Variants in SCAF4 observed in about 807,000 individuals in gnomAD.
SCAF4 encodes SR-related and CTD-associated factor 4.
In SCAF4, 25 loss-of-function variants were observed where a neutral mutation model predicts 129.8. The observed-to-expected ratio is 0.19, with a 90% CI of 0.14 to 0.27. SCAF4 has a LOEUF of 0.27. Ranked by LOEUF, SCAF4 falls within the 10% of genes least tolerant of loss-of-function variation. The pLI is 1.00. For synonymous variants in SCAF4, 551 were observed against 497.7 expected, an observed-to-expected ratio of 1.11 and a Z score of -1.43; for missense variants, 1,246 against 1,457.1, an observed-to-expected ratio of 0.86 and a Z score of 2.36.
At chr21:31,691,420 T>A (rs2050256748) in intron 14 of SCAF4, among the ~76,000 whole-genome samples, 1 of 152,182 alleles carries the variant, frequency 6.6e-6, no homozygotes, top group African/African-American at 2.4e-5. Context: ...AATACCCATA[T>A]ACCTATATGT....
chr21:31,731,722 C>T lies in SCAF4; in HGVS notation c.-30G>A. On this transcript the variant is annotated 5_prime_UTR_variant, in exon 1 of 20. Transcript: ENST00000286835. ...GCGCTGCGGCGGCGGCTGCTCCGGG[C>T]CCGCCGGTCACATAGACCTCGCGCC... The T allele has an allele frequency of 6.4e-7, 1 of 1,572,718 alleles. No homozygotes were observed. Among genetic ancestry groups the T allele is most frequent in the Non-Finnish European group, 8.6e-7 (1 of 1,166,344 alleles).
intron 1 of SCAF4, among the ~76,000 whole-genome samples, chr21:31,712,590 G>A (rs1390105428): frequency 1.4e-5 from 2 of 142,262 alleles, no homozygotes; most frequent in African/African-American, 2.6e-5. Context: ...GTGCAATGGC[G>A]CGATCTCGGC....
rs879311160 is a variant in SCAF4 at position 31,671,284 on chromosome 21, C to G, written c.*115G>C. The G allele has an allele frequency of 1.3e-5, 15 of 1,194,630 alleles. No individual in the cohort carries two copies. Among genetic ancestry groups the G allele is most frequent in the Non-Finnish European group, 1.5e-5 (13 of 882,656 alleles). 74.0% of individuals were successfully genotyped at this position (1,194,630 alleles called of 1,614,324 possible). On this transcript the variant is annotated 3_prime_UTR_variant, in exon 20 of 20. Coordinates refer to ENST00000286835, the MANE Select transcript of SCAF4 (RefSeq NM_020706.2). ...AAGCAATCAAATTGCTTACAGTTCC[C>G]CACCAGCTGGCGCGGGGCTGCAGTA...
chr21:31,725,523 A>G (rs2051180001), intron 1 of SCAF4, among the ~76,000 whole-genome samples: 1 of 152,242 alleles, frequency 6.6e-6, no homozygotes, highest in South Asian at 2.1e-4. Context: ...AAAGATAACC[A>G]TGAATATACA....
In SCAF4 at chr21:31,671,751, C is replaced by A; in HGVS notation, c.3092G>T (p.Arg1031Ile). The A allele has an allele frequency of 6.2e-7, 1 of 1,614,222 alleles. No individual in the cohort carries two copies. Among genetic ancestry groups the A allele is most frequent in the Non-Finnish European group, 8.5e-7 (1 of 1,180,020 alleles). The part of the protein sequence containing the change: ...DDRDNSNRDR[R>I]EWGRRSPDRD... ...GTCAGGGCTCCTCCTTCCCCACTCT[C>A]TCCTGTCACGGTTACTATTATCTCT... Residue 1031 changes from arginine to isoleucine, a missense_variant, in exon 20 of 20, where the codon AGA (arginine) becomes ATA (isoleucine). By Grantham distance (97) the Arg-to-Ile change is moderately conservative. Around this residue, in one of 6 missense-constraint regions of SCAF4, gnomAD observed 339 missense variants for 325.0 expected, o/e 1.04. Coordinates refer to ENST00000286835, the MANE Select transcript of SCAF4 (RefSeq NM_020706.2).
chr21:31,697,777 A>G (rs534597841), intron 7 of SCAF4, among the ~76,000 whole-genome samples: 252 of 152,358 alleles, frequency 1.7e-3, no homozygotes, highest in African/African-American at 5.7e-3. Context: ...AACACAGTAT[A>G]TAGGACTAAA....
At chr21:31,707,198 C>T (rs979634546) in intron 1 of SCAF4, among the ~76,000 whole-genome samples, 18 of 151,954 alleles carry the variant, frequency 1.2e-4, no homozygotes, top group Non-Finnish European at 2.2e-4. Context: ...ACTAAATATA[C>T]AAATATTAGC....
rs1216022860 is a variant in SCAF4, at chr21:31,694,242, C to T, written c.1284G>A (p.Met428Ile). The change falls in exon 11 of 20, where the codon ATG (methionine) becomes ATA (isoleucine). Residue 428 changes from methionine to isoleucine, a missense_variant. Physicochemically the swap from Met to Ile is conservative, Grantham distance 10 (BLOSUM62 1). Transcript: ENST00000286835. ...TAGATCTTGACTTTCTGTTATCAGA[C>T]ATATGTCGCTTAACCTCTTGAATAC... ...QPCIQEVKRHMSDNRKSRSRS... is the reference protein window; with the variant it reads ...QPCIQEVKRHISDNRKSRSRS... The T allele has an allele frequency of 6.2e-7, 1 of 1,610,590 alleles. No homozygotes were observed. Among genetic ancestry groups the T allele is most frequent in the Non-Finnish European group, 8.5e-7 (1 of 1,177,606 alleles).
At position 31,672,227 on chromosome 21, in the gene SCAF4, C is replaced by A. The variant is rs765873194; in HGVS notation, c.2616G>T (p.Arg872=). ...TGGGACGGGGCGGCATCAAAGGGAA[C>A]CGCTGTAAGTGAGGTGGGGGCATTC... ...PPGMPPPHLQ[R]FPLMPPRPMP... is the part of the protein sequence containing the mutation. The change falls in exon 20 of 20, where the codon CGG becomes CGT. Residue 872 remains arginine, a synonymous_variant. Coordinates refer to ENST00000286835, the MANE Select transcript of SCAF4 (RefSeq NM_020706.2). 1.2e-6 allele frequency: 2 copies of A among 1,610,964 alleles called. No homozygotes were observed. The highest frequency in any genetic ancestry group is 2.2e-5 in the South Asian group (2 of 90,734).
At position 31,702,236 on chromosome 21, in the gene SCAF4, G is replaced by A. The variant is rs375546030; in HGVS notation, c.457+8C>T. The A allele has an allele frequency of 1.2e-6, 2 of 1,613,872 alleles. No individual in the cohort carries two copies. The highest frequency in any genetic ancestry group is 1.3e-5 in the African/African-American group (1 of 74,898). On this transcript the variant is annotated splice_region_variant and intron_variant, in intron 5 of 19. Transcript: ENST00000286835. ...ATTGTGTGAGCTCACAGATACATCTGACCATACCTTCATTATTGGTAACAT... is the reference window on the plus strand; with the variant it reads ...ATTGTGTGAGCTCACAGATACATCTAACCATACCTTCATTATTGGTAACAT...
chr21:31,686,753 G>A (rs565400029), intron 16 of SCAF4, among the ~76,000 whole-genome samples: 3 of 152,152 alleles, frequency 2.0e-5, no homozygotes, highest in African/African-American at 4.8e-5. Flanking sequence ...ATTGTCATAG[G>A]AGCATGAACC....
chr21:31,689,645 T>TA (rs2050211454), intron 15 of SCAF4, among the ~76,000 whole-genome samples: 1 of 150,074 alleles, frequency 6.7e-6, no homozygotes, highest in African/African-American at 2.4e-5. Context: ...CTGAGGGCGG[T>TA]GAGGGTGAGC....
At chr21:31,688,280 G>C (rs778997188) in intron 16 of SCAF4, 27 bp downstream of exon 16, 1 of 1,600,772 alleles carries the variant, frequency 6.2e-7, no homozygotes, top group Non-Finnish European at 8.5e-7. Context: ...GGCACTTAAA[G>C]TTTAAGTCAT....
At chr21:31,716,736 A>T (rs1263641882) in intron 1 of SCAF4, among the ~76,000 whole-genome samples, 1 of 152,144 alleles carries the variant, frequency 6.6e-6, no homozygotes, top group Non-Finnish European at 1.5e-5. Flanking sequence ...TCCTTTTCTT[A>T]ACCTGGTATT....
chr21:31,699,534 T>C (rs955311580), intron 7 of SCAF4, among the ~76,000 whole-genome samples: 1 of 151,802 alleles, frequency 6.6e-6, no homozygotes, highest in Non-Finnish European at 1.5e-5. Context: ...ATATATTTCC[T>C]TTTTACTCAA....
chr21:31,708,682 G>A (rs1479389358), intron 1 of SCAF4, among the ~76,000 whole-genome samples: 1 of 151,880 alleles, frequency 6.6e-6, no homozygotes, highest in African/African-American at 2.4e-5. Context: ...TTAATTCTTG[G>A]GTTGTCTCCA....
In SCAF4 at chr21:31,701,428, TTG is replaced by T. The variant is rs1656647982; in HGVS notation, c.601-259_601-258del. ...TCAAAAAAAGAGAAAATACACTGAATTGTGAACAAAGTAAGCATAAGTTTTCT... is the reference window on the plus strand; with the variant it reads ...TCAAAAAAAGAGAAAATACACTGAATTGAACAAAGTAAGCATAAGTTTTCT... On this transcript the variant is annotated intron_variant, in intron 6 of 19. Transcript: ENST00000286835. Among the ~76,000 whole-genome samples the T allele has an allele frequency of 7.9e-5, 12 of 152,288 alleles. No individual in the cohort carries two copies. In the South Asian group the frequency reaches 2.5e-3, roughly 32 times the overall value.
Position 31,692,352 on chromosome 21 carries a change from A to G in SCAF4, c.1611T>C (p.Ile537=), listed in dbSNP as rs1194906722. Residue 537 remains isoleucine (I), a synonymous_variant, in exon 13 of 20, where the codon ATT becomes ATC. Coordinates refer to ENST00000286835, the MANE Select transcript of SCAF4 (RefSeq NM_020706.2). ...LLEEFGPIES[I]NMIPPRGCAY... ...AAAAAACTGAATAAACACTCACATTAATTGATTCAATTGGACCAAACTCTT... is the reference window on the plus strand; with the variant it reads ...AAAAAACTGAATAAACACTCACATTGATTGATTCAATTGGACCAAACTCTT... 4.4e-6 allele frequency: 7 copies of G among 1,606,858 alleles called. No homozygotes were observed. Among genetic ancestry groups the G allele is most frequent in the Non-Finnish European group, 6.0e-6 (7 of 1,173,460 alleles).
chr21:31,686,389 C>T (rs77402556), intron 16 of SCAF4, among the ~76,000 whole-genome samples: 2 of 152,208 alleles, frequency 1.3e-5, no homozygotes, highest in East Asian at 3.9e-4. Flanking sequence ...GGCTACTTGG[C>T]AATTTACACA....
Sources: allele counts gnomAD v4.1 joint callset (sites outside exome capture counted in the v4.1 genomes callset), GRCh38; gene constraint gnomAD v4.1.1; regional missense constraint gnomAD v4.1.1; transcripts MANE v1.5; gene names NCBI Gene and HGNC (gene_info 2026-07-23, HGNC 2026-07-21).